TSHZ2: variants seen among roughly 807,000 people sequenced by gnomAD.
The protein encoded by TSHZ2 is teashirt zinc finger homeobox 2, also known as teashirt homolog 2.
A neutral mutation model predicts 74.4 loss-of-function variants in TSHZ2; 21 were observed. The ratio of observed to expected loss-of-function variants is 0.28; its 90% CI spans 0.20 to 0.41. The LOEUF (loss-of-function observed/expected upper bound fraction) is 0.41, where lower values mean the gene tolerates loss of function less well. TSHZ2 is among the 10% of genes least tolerant of loss of function. The probability of loss-of-function intolerance (pLI) is 1.00; values close to 1 mark genes in which losing one functional copy is unlikely to be tolerated. For missense variants in TSHZ2, 1,244 were observed against 1,293.5 expected (o/e 0.96, Z 0.59); for synonymous variants, 540 against 515.3 (o/e 1.05, Z -0.65).
rs374123356 is a variant in TSHZ2, at chr20:53,176,686, CTTTCT to C, written c.41-76809_41-76805del. Among the ~76,000 whole-genome samples the C allele has an allele frequency of 6.1e-3, 911 of 148,794 alleles. 7 individuals are homozygous for C. Among genetic ancestry groups the C allele is most frequent in the African/African-American group, 0.021 (864 of 40,606 alleles). On this transcript the variant is annotated intron_variant, in intron 1 of 2. Transcript: ENST00000371497. ...ATTTAGAAGTTGTATTTCTTTGTTT[CTTTCT>C]TTTTTTTTTTTTTTTAGACGAAGTC... is the stretch of plus-strand genomic sequence containing the variant.
intron 2 of TSHZ2, among the ~76,000 whole-genome samples, chr20:53,362,971 G>A (rs981757481): frequency 6.6e-6 from 1 of 152,322 alleles, no homozygotes; most frequent in South Asian, 2.1e-4. Flanking sequence ...GCCTCAGGAC[G>A]TTTTCCTGGC....
intron 1 of TSHZ2, among the ~76,000 whole-genome samples, chr20:53,104,673 C>A (rs1025789251): frequency 6.6e-6 from 1 of 152,128 alleles, no homozygotes; most frequent in Non-Finnish European, 1.5e-5. Context: ...TCTTTAATAG[C>A]AAACTGGTGT....
Position 52,973,454 on chromosome 20 carries a change from G to T in TSHZ2, c.40+121G>T, listed in dbSNP as rs1981207824. ...GCTTTCGGGGGAGTTTGCGCCGGGT[G>T]CCCTTCTAATAACCCCGTCCTCTCT... On this transcript the variant is annotated intron_variant, in intron 1 of 2. Transcript: ENST00000371497. The T allele has an allele frequency of 2.3e-6, 3 of 1,300,260 alleles. No homozygotes were observed. In the Admixed American group the frequency reaches 7.0e-5, roughly 31 times the overall value. The allele number at this position is 1,300,260 out of a possible 1,614,324, so 80.5% of individuals were successfully genotyped here.
chr20:53,309,397 A>G (rs555771081), intron 2 of TSHZ2, among the ~76,000 whole-genome samples: 1 of 152,336 alleles, frequency 6.6e-6, no homozygotes, highest in East Asian at 1.9e-4. Context: ...ATGAAAAAAG[A>G]ATTTATCAAA....
intron 2 of TSHZ2, among the ~76,000 whole-genome samples, chr20:53,315,657 A>G (rs1322825595): frequency 6.6e-6 from 1 of 152,172 alleles, no homozygotes; most frequent in African/African-American, 2.4e-5. Context: ...TCAGTTACTT[A>G]TGCAGATTGT....
At chr20:53,363,564 C>T (rs1981145089) in intron 2 of TSHZ2, among the ~76,000 whole-genome samples, 1 of 152,188 alleles carries the variant, frequency 6.6e-6, no homozygotes, top group South Asian at 2.1e-4. Flanking sequence ...CATCTCTGGT[C>T]TCCAGGGGAT....
intron 1 of TSHZ2, among the ~76,000 whole-genome samples, chr20:53,225,148 G>A (rs921646387): frequency 2.0e-5 from 3 of 152,188 alleles, no homozygotes; most frequent in African/African-American, 4.8e-5. Context: ...GTCAGATTTG[G>A]CCTGTGGGCC....
intron 1 of TSHZ2, among the ~76,000 whole-genome samples, chr20:53,153,061 A>C (rs1410836053): frequency 6.6e-6 from 1 of 152,226 alleles, no homozygotes; most frequent in Non-Finnish European, 1.5e-5. Flanking sequence ...AGAATCCATC[A>C]TGCCTCAGAA....
intron 1 of TSHZ2, among the ~76,000 whole-genome samples, chr20:53,237,014 A>T (rs931644785): frequency 2.6e-5 from 4 of 152,200 alleles, no homozygotes; most frequent in Non-Finnish European, 5.9e-5. Flanking sequence ...CACATCAGTG[A>T]TCTCAGGAAA....
chr20:53,142,847 T>G (rs951432520), intron 1 of TSHZ2, among the ~76,000 whole-genome samples: 1 of 151,928 alleles, frequency 6.6e-6, no homozygotes, highest in African/African-American at 2.4e-5. Flanking sequence ...ATGCTCTGCT[T>G]AATACTATCA....
intron 1 of TSHZ2, among the ~76,000 whole-genome samples, chr20:53,168,040 C>T (rs1988102963): frequency 6.6e-6 from 1 of 152,158 alleles, no homozygotes; most frequent in African/African-American, 2.4e-5. Flanking sequence ...TGTTGGACTG[C>T]AGGGTCTGTC....
intron 2 of TSHZ2, among the ~76,000 whole-genome samples, chr20:53,274,138 C>G (rs754990391): frequency 6.6e-6 from 1 of 152,074 alleles, no homozygotes; most frequent in African/African-American, 2.4e-5. Context: ...GGTGTGGTGG[C>G]GCGTGCCTGT....
chr20:53,305,918 CA>C (rs1336798528), intron 2 of TSHZ2, among the ~76,000 whole-genome samples: 7 of 150,432 alleles, frequency 4.7e-5, no homozygotes, highest in African/African-American at 1.7e-4. Flanking sequence ...GCGGAGGCTG[CA>C]GTGAGCTGAG....
chr20:53,291,466 C>T, intron 2 of TSHZ2, among the ~76,000 whole-genome samples: 1 of 105,368 alleles, frequency 9.5e-6, no homozygotes, highest in Non-Finnish European at 1.8e-5. Context: ...GAGCAAGACT[C>T]TGTCTCAAAA....
chr20:53,227,463 AACACACAC>A lies in TSHZ2; in HGVS notation c.41-26006_41-25999del, dbSNP rs10574252. ...TATTGCCTTAGTAAGTGGGGAGGAAAACACACACACACACACACACACACACACACACA... is the reference window on the plus strand; with the variant it reads ...TATTGCCTTAGTAAGTGGGGAGGAAAACACACACACACACACACACACACA... On this transcript the variant is annotated intron_variant, in intron 1 of 2. Coordinates refer to ENST00000371497, the MANE Select transcript of TSHZ2 (RefSeq NM_173485.6). Among the ~76,000 whole-genome samples, 795 of 146,660 alleles carry A rather than the reference AACACACAC, an allele frequency of 5.4e-3. 2 individuals carry two copies. The highest frequency in any genetic ancestry group is 0.028 in the Middle Eastern group (8 of 286).
intron 1 of TSHZ2, among the ~76,000 whole-genome samples, chr20:53,187,219 C>T (rs1988620636): frequency 1.3e-5 from 2 of 152,156 alleles, no homozygotes; most frequent in South Asian, 4.1e-4. Context: ...CTGGTTCCAA[C>T]ACAACACCAA....
chr20:53,245,227 A>G (rs1291935956), intron 1 of TSHZ2, among the ~76,000 whole-genome samples: 1 of 152,186 alleles, frequency 6.6e-6, no homozygotes, highest in Non-Finnish European at 1.5e-5. Context: ...TGTGCCTTTG[A>G]AAGTTTTCAG....
At chr20:53,273,305 T>G (rs1043377813) in intron 2 of TSHZ2, 1 of 96,710 alleles carries the variant, frequency 1.0e-5, no homozygotes, top group African/African-American at 4.2e-5. Context: ...CTTTCTTTCT[T>G]TTTTTGAGAC....
rs1178170553 is a variant in TSHZ2, at chr20:53,253,689, G to C, written c.231G>C (p.Gln77His). The change falls in exon 2 of 3, where the codon CAG becomes CAC. Residue 77 changes from glutamine to histidine, a missense_variant. Around this residue, in one of 6 missense-constraint regions of TSHZ2, gnomAD observed 470 missense variants for 456.5 expected, o/e 1.03. Coordinates refer to ENST00000371497, the MANE Select transcript of TSHZ2 (RefSeq NM_173485.6). ...CTCCAGGAAGTCATTTGTCCAATCA[G>C]GATGCCGAGAACGAGTCTCTGCTGA... ...QNSPGSHLSN[Q>H]DAENESLLSD... The C allele has an allele frequency of 6.2e-7, 1 of 1,614,180 alleles. No individual in the cohort carries two copies. The highest frequency in any genetic ancestry group is 1.7e-5 in the Admixed American group (1 of 60,022).
Sources: gnomAD v4.1 joint callset for allele counts (sites outside exome capture counted in the v4.1 genomes callset) on GRCh38, gnomAD v4.1.1 for gene constraint, gnomAD v4.1.1 regional missense constraint, MANE v1.5 for transcripts, NCBI Gene and HGNC (gene_info 2026-07-23, HGNC 2026-07-21) for gene names.